COL25A1: variants seen among roughly 807,000 people sequenced by gnomAD.
COL25A1 encodes collagen alpha-1(XXV) chain.
A neutral mutation model predicts 128.4 loss-of-function variants in COL25A1; 103 were observed. That is an observed-to-expected ratio of 0.80 (90% CI 0.68 to 0.94). The LOEUF (loss-of-function observed/expected upper bound fraction) is 0.94. COL25A1 is among the 40% of genes least tolerant of loss of function. The probability of loss-of-function intolerance (pLI) is 0.00; values close to 1 mark genes in which losing one functional copy is unlikely to be tolerated. For missense variants in COL25A1, 745 were observed against 840.0 expected (o/e 0.89, Z 1.40); for synonymous variants, 279 against 277.2 (o/e 1.01, Z -0.06).
chr4:108,829,416 T>G (rs1732801512), intron 32 of COL25A1, among the ~76,000 whole-genome samples: 1 of 151,902 alleles, frequency 6.6e-6, no homozygotes, highest in African/African-American at 2.4e-5. Context: ...TCTATCTATC[T>G]ATCTATCTAT....
At chr4:108,876,156 C>G (rs568225301) in intron 19 of COL25A1, among the ~76,000 whole-genome samples, 1 of 151,488 alleles carries the variant, frequency 6.6e-6, no homozygotes, top group South Asian at 2.1e-4. Context: ...GACATGTATA[C>G]CTATGTATCA....
At chr4:109,212,899 G>A (rs867891529) in intron 3 of COL25A1, among the ~76,000 whole-genome samples, 1 of 152,132 alleles carries the variant, frequency 6.6e-6, no homozygotes, top group Non-Finnish European at 1.5e-5. Flanking sequence ...GACAGTAAGA[G>A]AGTATAAGAA....
intron 14 of COL25A1, among the ~76,000 whole-genome samples, chr4:108,899,666 C>A (rs1742584782): frequency 1.3e-5 from 2 of 152,102 alleles, no homozygotes; most frequent in Admixed American, 1.3e-4. Flanking sequence ...CTAACATGAT[C>A]ATAAATAGTC....
At chr4:109,050,403 A>T (rs769795584) in intron 3 of COL25A1, among the ~76,000 whole-genome samples, 21 of 152,164 alleles carry the variant, frequency 1.4e-4, no homozygotes, top group Non-Finnish European at 2.6e-4. Context: ...ATCTAGTGTT[A>T]CTTAAGAAAA....
intron 19 of COL25A1, among the ~76,000 whole-genome samples, chr4:108,875,300 G>A (rs1453951859): frequency 1.3e-5 from 2 of 152,104 alleles, no homozygotes; most frequent in African/African-American, 2.4e-5. Context: ...GAAAATTTTT[G>A]CAATCCACTC....
At chr4:109,254,036 G>A (rs1244563988) in intron 3 of COL25A1, among the ~76,000 whole-genome samples, 2 of 150,894 alleles carry the variant, frequency 1.3e-5, no homozygotes, top group African/African-American at 2.4e-5. Context: ...GCAGTGAGCC[G>A]AGATCGCACC....
chr4:108,884,330 T>A, intron 18 of COL25A1, 108 bp from the exon 19 acceptor site: 1 of 1,014,512 alleles, frequency 9.9e-7, no homozygotes, highest in Admixed American at 2.4e-5. Flanking sequence ...CAAAGATAAA[T>A]AAAAAAACCG....
chr4:109,175,112 T>C (rs148431345), intron 3 of COL25A1, among the ~76,000 whole-genome samples: 123 of 152,328 alleles, frequency 8.1e-4, no homozygotes, highest in African/African-American at 2.8e-3. Flanking sequence ...TCCATGAAAC[T>C]GGCCCCTGGT....
intron 24 of COL25A1, 67 bp downstream of exon 24, chr4:108,859,589 C>CA: frequency 1.5e-6 from 2 of 1,361,550 alleles, no homozygotes; most frequent in Non-Finnish European, 2.1e-6. Context: ...CTCATATTTG[C>CA]ACACATTACA....
chr4:109,083,448 A>AAATTTTTTTTTTTTTTTTT (rs377354398), intron 3 of COL25A1, among the ~76,000 whole-genome samples: 1 of 77,010 alleles, frequency 1.3e-5, no homozygotes, highest in Non-Finnish European at 2.5e-5. Context: ...CACTAAATAA[A>AAATTTTTTTTTTTTTTTTT]TTTTTTTTTT....
intron 31 of COL25A1, among the ~76,000 whole-genome samples, chr4:108,833,765 C>G (rs1299609486): frequency 2.0e-5 from 3 of 152,112 alleles, no homozygotes; most frequent in Non-Finnish European, 4.4e-5. Context: ...TGCCTGAATT[C>G]AAAGTTCACC....
At chr4:109,289,899 A>C (rs2126283829) in intron 3 of COL25A1, among the ~76,000 whole-genome samples, 1 of 152,206 alleles carries the variant, frequency 6.6e-6, no homozygotes, top group South Asian at 2.1e-4. Context: ...TTTTTTAGGA[A>C]TCCAATGAAC....
At chr4:109,232,666 T>C (rs545482419) in intron 3 of COL25A1, among the ~76,000 whole-genome samples, 54 of 152,312 alleles carry the variant, frequency 3.5e-4, no homozygotes, top group Middle Eastern at 6.8e-3. Context: ...CTGAGATATA[T>C]ATAAGTAACC....
chr4:109,021,763 A>C (rs1196703029), intron 5 of COL25A1: 1 of 453,592 alleles, frequency 2.2e-6, no homozygotes, highest in East Asian at 7.0e-5. Context: ...TAGGAAAAGA[A>C]TTGCATTCCT....
intron 3 of COL25A1, among the ~76,000 whole-genome samples, chr4:109,068,357 T>C (rs1215175905): frequency 6.6e-6 from 1 of 151,890 alleles, no homozygotes; most frequent in Non-Finnish European, 1.5e-5. Context: ...GCAACAGATT[T>C]ACCATTTTTG....
chr4:109,238,830 A>G (rs1227409709), intron 3 of COL25A1, among the ~76,000 whole-genome samples: 3 of 151,976 alleles, frequency 2.0e-5, no homozygotes, highest in African/African-American at 4.8e-5. Context: ...TCAGGCATCC[A>G]TTACCAATAT....
At chr4:108,901,216 T>A (rs918834781) in intron 13 of COL25A1, 44 bp from the exon 14 acceptor site, 1 of 1,312,738 alleles carries the variant, frequency 7.6e-7, no homozygotes, top group African/African-American at 1.5e-5. Context: ...ATAGACAAAA[T>A]CAATACATTA....
intron 3 of COL25A1, among the ~76,000 whole-genome samples, chr4:109,218,357 G>GTTTTTTTTTTTTTTTT (rs34056401): frequency 1.1e-4 from 8 of 73,566 alleles, no homozygotes; most frequent in East Asian, 5.1e-4. Flanking sequence ...GTTTTTTGGG[G>GTTTTTTTTTTTTTTTT]TTTTTTTTTT....
intron 27 of COL25A1, among the ~76,000 whole-genome samples, chr4:108,847,376 G>A (rs1578528052): frequency 6.6e-6 from 1 of 151,964 alleles, no homozygotes; most frequent in South Asian, 2.1e-4. Flanking sequence ...TATTAAAACC[G>A]ATGGAGAAAA....
Sources: gnomAD v4.1 joint callset for allele counts (sites outside exome capture counted in the v4.1 genomes callset) on GRCh38, gnomAD v4.1.1 for gene constraint, MANE v1.5 for transcripts, NCBI Gene and HGNC (gene_info 2026-07-23, HGNC 2026-07-21) for gene names.